GPR22: variants seen among roughly 807,000 people sequenced by gnomAD.
GPR22 encodes the protein G-protein coupled receptor 22.
A neutral mutation model predicts 31.0 loss-of-function variants in GPR22; 13 were observed. That is an observed-to-expected ratio of 0.42 (90% CI 0.27 to 0.67). GPR22 has a LOEUF of 0.67. GPR22 is among the 30% of genes least tolerant of loss of function. The pLI, the probability that GPR22 is intolerant of heterozygous loss-of-function variation, is 0.25. For missense variants in GPR22, 368 were observed against 509.6 expected, an observed-to-expected ratio of 0.72 and a Z score of 2.67; for synonymous variants, 191 against 173.4, an observed-to-expected ratio of 1.10 and a Z score of -0.80.
chr7:107,476,183 T>TAAAAAAAAAAAAAAAAAAAAAAA (rs1563056700), downstream of GPR22, among the ~76,000 whole-genome samples: 78 of 86,414 alleles, frequency 9.0e-4, 4 homozygotes, highest in African/African-American at 1.3e-3. Flanking sequence ...TGCAATGATT[T>TAAAAAAAAAAAAAAAAAAAAAAA]TAAAAAAAAA....
chr7:107,477,355 A>G (rs1018222898), downstream of GPR22, among the ~76,000 whole-genome samples: 1 of 151,734 alleles, frequency 6.6e-6, no homozygotes, highest in African/African-American at 2.4e-5. Flanking sequence ...CATATTAAGA[A>G]AAACTCCCTT....
intron 2 of GPR22, chr7:107,472,540 G>C (rs1796698953): frequency 6.6e-6 from 1 of 151,874 alleles, no homozygotes; most frequent in African/African-American, 2.4e-5. Context: ...TCTAACTGAT[G>C]TGACAAAGAC....
intron 1 of GPR22, among the ~76,000 whole-genome samples, chr7:107,470,873 G>A (rs1368696523): frequency 6.6e-6 from 1 of 151,804 alleles, no homozygotes; most frequent in African/African-American, 2.4e-5. Context: ...ATTACCTTTT[G>A]TATTTCAACC....
chr7:107,474,352 C>G lies in GPR22; in HGVS notation c.292C>G (p.Leu98Val). 6.2e-7 allele frequency: 1 copy of G among 1,612,560 alleles called. No homozygotes were observed. Among genetic ancestry groups the G allele is most frequent in the South Asian group, 1.1e-5 (1 of 91,032 alleles). Reference sequence around the variant, plus strand: ...AATAATTTGTGTGGGATGTATTCCTCTAACTATAGTTATCCTTCTGCTTTC... The same window carrying G: ...AATAATTTGTGTGGGATGTATTCCTGTAACTATAGTTATCCTTCTGCTTTC... ...DVIICVGCIPLTIVILLLSLE... is the reference protein window; with the variant it reads ...DVIICVGCIPVTIVILLLSLE... The change falls in exon 3 of 3, where the codon CTA (leucine) becomes GTA (valine). Residue 98 changes from leucine to valine, a missense_variant. Physicochemically the swap from Leu to Val is conservative, Grantham distance 32. Transcript: ENST00000304402. This position sits in a 1 kb window ranked among gnomAD's most constrained non-coding sequence, Gnocchi z 5.7.
rs182002184 is a variant in GPR22, at chr7:107,471,529, T to C, written c.-800T>C. ...AAACCAGGGAATAGGTCTACATTAC[T>C]GATGGAATATAAAAAATCAACTGTA... On this transcript the variant is annotated 5_prime_UTR_variant, in exon 2 of 3. Transcript: ENST00000304402. The C allele has an allele frequency of 3.4e-4, 52 of 151,940 alleles. No individual in the cohort carries two copies. The highest frequency in any genetic ancestry group is 1.3e-3 in the African/African-American group (52 of 41,402). 9.4% of individuals were successfully genotyped at this position (151,940 alleles called of 1,614,324 possible).
intron 2 of GPR22, among the ~76,000 whole-genome samples, chr7:107,473,457 A>G (rs1042809706): frequency 9.2e-5 from 14 of 151,976 alleles, no homozygotes; most frequent in Admixed American, 6.6e-4. Flanking sequence ...TGTGGGAAAT[A>G]ACCCCAAATA....
rs1796651604 is a variant in GPR22, at chr7:107,471,834, C to A, written c.-495C>A. ...GGATTTTTCTATCTGACTTTTATGA[C>A]CAATTATGTATCCTCTTCTAATGAA... On this transcript the variant is annotated 5_prime_UTR_variant, in exon 2 of 3. Transcript: ENST00000304402. 1 of 151,890 alleles carries A rather than the reference C, an allele frequency of 6.6e-6. No individual in the cohort carries two copies. Among genetic ancestry groups the A allele is most frequent in the South Asian group, 2.1e-4 (1 of 4,822 alleles). The allele number at this position is 151,890 out of a possible 1,614,324, so 9.4% of individuals were successfully genotyped here.
chr7:107,470,495 T>C (rs1261209922), intron 1 of GPR22, 50 bp downstream of exon 1: 1 of 152,118 alleles, frequency 6.6e-6, no homozygotes, highest in East Asian at 1.9e-4. Flanking sequence ...ACCGGCATAG[T>C]GGGGTAAAAA....
chr7:107,477,833 T>C (rs558605748), downstream of GPR22, among the ~76,000 whole-genome samples: 1 of 152,054 alleles, frequency 6.6e-6, no homozygotes, highest in South Asian at 2.1e-4. Context: ...ATCTGTTCTA[T>C]GAAAAGACGA....
chr7:107,473,294 T>C (rs1796749413), intron 2 of GPR22, among the ~76,000 whole-genome samples: 1 of 151,958 alleles, frequency 6.6e-6, no homozygotes, highest in African/African-American at 2.4e-5. Flanking sequence ...AAATAAATCA[T>C]TTCATAGGAG....
rs775883102 is a variant in GPR22 at position 107,474,985 on chromosome 7, A to G, written c.925A>G (p.Lys309Glu). 2 of 1,612,558 alleles carry G rather than the reference A, an allele frequency of 1.2e-6. No individual in the cohort carries two copies. Among genetic ancestry groups the G allele is most frequent in the Non-Finnish European group, 1.7e-6 (2 of 1,179,240 alleles). ...ACACCGTGAACGACGAGAAAGACAA[A>G]AGAGAGTCTTCAGGATGTCTTTATT... is the stretch of plus-strand genomic sequence containing the variant. ...KRHRERRERQ[K>E]RVFRMSLLII... Residue 309 changes from lysine to glutamate, a missense_variant, in exon 3 of 3, where the codon AAG becomes GAG. Transcript: ENST00000304402. This position sits in a 1 kb window ranked among gnomAD's most constrained non-coding sequence, Gnocchi z 5.7.
rs769032805 is a variant in GPR22, at chr7:107,475,331, A to G, written c.1271A>G (p.Lys424Arg). ...ITFEDSEIRE[K>R]CLVPQVVTD ...TTTGAAGATAGTGAAATAAGAGAAA[A>G]ATGTTTAGTGCCTCAGGTTGTCACA... Residue 424 changes from lysine (K) to arginine (R), a missense_variant, in exon 3 of 3, where the codon AAA becomes AGA. By Grantham distance (26) the Lys-to-Arg change is conservative. Transcript: ENST00000304402. 26 of 1,559,062 alleles carry G rather than the reference A, an allele frequency of 1.7e-5. No homozygotes were observed. The Admixed American group carries it at 5.1e-4, about 30-fold the overall frequency.
At position 107,475,256 on chromosome 7, in the gene GPR22, C is replaced by T. The variant is rs751444132; in HGVS notation, c.1196C>T (p.Ala399Val). ...IVEADPLPNN[A>V]VIHNSWIDPK... ...GAAGCTGATCCCCTGCCTAATAATG[C>T]TGTAATACACAACTCTTGGATAGAT... Residue 399 changes from alanine to valine, a missense_variant, in exon 3 of 3, where the codon GCT becomes GTT. Ala to Val is a moderately conservative substitution (Grantham distance 64, BLOSUM62 0). Coordinates refer to ENST00000304402, the MANE Select transcript of GPR22 (RefSeq NM_005295.3). 28 of 1,600,560 alleles carry T rather than the reference C, an allele frequency of 1.7e-5. No homozygotes were observed. The highest frequency in any genetic ancestry group is 2.1e-5 in the Non-Finnish European group (24 of 1,168,442).
At chr7:107,471,267 T>G (rs1055594792) in intron 1 of GPR22, 105 bp from the exon 2 acceptor site, 1 of 152,120 alleles carries the variant, frequency 6.6e-6, no homozygotes, top group Non-Finnish European at 1.5e-5. Flanking sequence ...TTGGTTATTT[T>G]GATAACAAAT....
Position 107,475,041 on chromosome 7 carries a change from A to G in GPR22, c.981A>G (p.Thr327=). 6.2e-7 allele frequency: 1 copy of G among 1,612,896 alleles called. No homozygotes were observed. Among genetic ancestry groups the G allele is most frequent in the Non-Finnish European group, 8.5e-7 (1 of 1,179,206 alleles). ...TTTCTACATTTCTTCTCTGCTGGAC[A>G]CCAATTTCTGTTTTAAATACCACCA... ...LIISTFLLCW[T]PISVLNTTIL... The change falls in exon 3 of 3, where the codon ACA becomes ACG. Residue 327 remains threonine (T), a synonymous_variant. Transcript: ENST00000304402.
At position 107,475,510 on chromosome 7, in the gene GPR22, T is replaced by C. The variant is rs1796920200; in HGVS notation, c.*148T>C. The stretch of plus-strand genomic sequence containing the variant: ...ATGTGAATGTCAATTAGATAGGTCA[T>C]ATATATTCAATTTCTTCATTACTTA... On this transcript the variant is annotated 3_prime_UTR_variant, in exon 3 of 3. Coordinates refer to ENST00000304402, the MANE Select transcript of GPR22 (RefSeq NM_005295.3). 5.8e-6 allele frequency: 3 copies of C among 517,654 alleles called. No individual in the cohort carries two copies. Among genetic ancestry groups the C allele is most frequent in the South Asian group, 3.8e-5 (1 of 26,334 alleles). The allele number at this position is 517,654 out of a possible 1,614,324, so 32.1% of individuals were successfully genotyped here. A position where few individuals can be genotyped will look rare whatever the true frequency, so the allele number is the denominator to read the frequency against.
chr7:107,474,449 C>G lies in GPR22; in HGVS notation c.389C>G (p.Ala130Gly). The change falls in exon 3 of 3, where the codon GCA becomes GGA. Residue 130 changes from alanine to glycine, a missense_variant. Coordinates refer to ENST00000304402, the MANE Select transcript of GPR22 (RefSeq NM_005295.3). The surrounding 1 kb of genome is among the most constrained non-coding windows in gnomAD (Gnocchi z 5.7). Reference protein sequence around the residue: ...ACVSFASVSTAINVFAITLDR... With the variant: ...ACVSFASVSTGINVFAITLDR... ...GTATCTTTTGCAAGTGTCTCAACAG[C>G]AATCAACGTTTTTGCTATCACTTTG... is the stretch of plus-strand genomic sequence containing the variant. The G allele has an allele frequency of 6.2e-7, 1 of 1,613,362 alleles. No individual in the cohort carries two copies. The highest frequency in any genetic ancestry group is 1.1e-5 in the South Asian group (1 of 91,066).
chr7:107,476,173 T>C (rs1259011294), downstream of GPR22, among the ~76,000 whole-genome samples: 6 of 66,732 alleles, frequency 9.0e-5, no homozygotes, highest in Non-Finnish European at 1.4e-4. Context: ...ATTAATATAG[T>C]GCAATGATTT....
In GPR22 at chr7:107,474,287, T is replaced by C; in HGVS notation, c.227T>C (p.Val76Ala). Residue 76 changes from valine (V) to alanine (A), a missense_variant, in exon 3 of 3, where the codon GTC (valine) becomes GCC (alanine). Coordinates refer to ENST00000304402, the MANE Select transcript of GPR22 (RefSeq NM_005295.3). The surrounding 1 kb of genome is among the most constrained non-coding windows in gnomAD (Gnocchi z 5.7). Reference protein sequence around the residue: ...YCMKSNLINSVSNIITMNLHV... With the variant: ...YCMKSNLINSASNIITMNLHV... ...ATGAAATCCAACTTAATCAACTCTG[T>C]CAGTAACATTATTACAATGAATCTT... is the stretch of plus-strand genomic sequence containing the variant. 1 of 1,611,400 alleles carries C rather than the reference T, an allele frequency of 6.2e-7. No individual in the cohort carries two copies. The highest frequency in any genetic ancestry group is 8.5e-7 in the Non-Finnish European group (1 of 1,177,756).
Sources: allele counts gnomAD v4.1 joint callset (sites outside exome capture counted in the v4.1 genomes callset), GRCh38; gene constraint gnomAD v4.1.1; non-coding constraint Gnocchi (gnomAD v3.1); transcripts MANE v1.5; gene names NCBI Gene and HGNC (gene_info 2026-07-23, HGNC 2026-07-21).